Variants in STK39 observed in about 807,000 individuals in gnomAD.
STK39 encodes the protein serine/threonine kinase 39, also known as STE20/SPS1-related proline-alanine-rich protein kinase.
A neutral mutation model predicts 77.8 loss-of-function variants in STK39; 20 were observed. That is an observed-to-expected ratio of 0.26 (90% CI 0.18 to 0.37). The LOEUF is 0.37. Ranked by LOEUF, STK39 falls within the 10% of genes least tolerant of loss-of-function variation. The pLI is 1.00. For synonymous variants in STK39, 246 were observed against 234.1 expected, an observed-to-expected ratio of 1.05 and a Z score of -0.47; for missense variants, 479 against 656.5, an observed-to-expected ratio of 0.73 and a Z score of 2.95.
chr2:168,187,277 GA>G (rs1689232827), intron 1 of STK39, among the ~76,000 whole-genome samples: 1 of 152,108 alleles, frequency 6.6e-6, no homozygotes, highest in South Asian at 2.1e-4. Context: ...CTTGAACCCG[GA>G]AGGTAGAGGC....
At chr2:168,059,973 C>A (rs972328493) in intron 14 of STK39, among the ~76,000 whole-genome samples, 6 of 152,046 alleles carry the variant, frequency 3.9e-5, no homozygotes, top group Non-Finnish European at 8.8e-5. Flanking sequence ...TGGAACAATG[C>A]CATGTACATA....
rs542536754 is a variant in STK39 at position 168,035,970 on chromosome 2, C to A, written c.1377-18875G>T. ...GCAAGCAGTAAGAGAACCAAGACTT[C>A]CCAGCCTTCACATTTCCTAAAATTA... On this transcript the variant is annotated intron_variant, in intron 14 of 17. Coordinates refer to ENST00000355999, the MANE Select transcript of STK39 (RefSeq NM_013233.3). Among the ~76,000 whole-genome samples the A allele has an allele frequency of 6.8e-4, 103 of 152,226 alleles. 5 individuals are homozygous for A. The South Asian group carries it at 0.021, about 30-fold the overall frequency.
At chr2:167,974,406 C>G (rs1286582759) in intron 16 of STK39, among the ~76,000 whole-genome samples, 1 of 151,992 alleles carries the variant, frequency 6.6e-6, no homozygotes, top group Non-Finnish European at 1.5e-5. Context: ...CTACAGAGGG[C>G]CCCTGAAGCA....
At chr2:167,963,270 T>A (rs558544318) in intron 17 of STK39, among the ~76,000 whole-genome samples, 3 of 152,292 alleles carry the variant, frequency 2.0e-5, no homozygotes, top group Non-Finnish European at 4.4e-5. Flanking sequence ...ATTATTCTTA[T>A]GGTTTACCTA....
intron 15 of STK39, among the ~76,000 whole-genome samples, chr2:168,014,840 A>G (rs1250466254): frequency 1.3e-5 from 2 of 152,228 alleles, no homozygotes; most frequent in Admixed American, 6.5e-5. Context: ...CACAGAATGT[A>G]GCCAAAAATG....
chr2:168,155,326 C>T (rs1688398527), intron 5 of STK39, among the ~76,000 whole-genome samples: 1 of 152,194 alleles, frequency 6.6e-6, no homozygotes, highest in Admixed American at 6.5e-5. Context: ...ATGAAAAACT[C>T]AGTTTCCAGA....
intron 16 of STK39, among the ~76,000 whole-genome samples, chr2:168,004,669 C>G (rs1057474132): frequency 4.7e-5 from 7 of 148,572 alleles, no homozygotes; most frequent in African/African-American, 1.7e-4. Context: ...GGAGGTGGAG[C>G]TTGCAGTCAG....
At chr2:168,082,614 T>G (rs1303873248) in intron 10 of STK39, among the ~76,000 whole-genome samples, 1 of 152,178 alleles carries the variant, frequency 6.6e-6, no homozygotes, top group African/African-American at 2.4e-5. Flanking sequence ...CCTCCAACTG[T>G]TCTTTGCTCT....
At chr2:167,978,900 A>G (rs1683346542) in intron 16 of STK39, among the ~76,000 whole-genome samples, 1 of 152,162 alleles carries the variant, frequency 6.6e-6, no homozygotes, top group Non-Finnish European at 1.5e-5. Context: ...TTTCTCTCAC[A>G]TATCATAATT....
chr2:168,073,793 T>C (rs1686005011), intron 12 of STK39, among the ~76,000 whole-genome samples: 2 of 152,160 alleles, frequency 1.3e-5, no homozygotes, highest in South Asian at 4.1e-4. Flanking sequence ...TAATTTTGTA[T>C]TTTTAGTAGA....
chr2:168,108,424 T>C (rs1235584025), intron 10 of STK39, among the ~76,000 whole-genome samples: 2 of 152,118 alleles, frequency 1.3e-5, no homozygotes, highest in African/African-American at 4.8e-5. Context: ...GGCATGCACC[T>C]GTAGTCCTAG....
intron 16 of STK39, among the ~76,000 whole-genome samples, chr2:167,969,706 T>C (rs1335217056): frequency 6.6e-6 from 1 of 152,194 alleles, no homozygotes; most frequent in African/African-American, 2.4e-5. Context: ...CAAGTGAGGC[T>C]ACCACCAACT....
intron 10 of STK39, among the ~76,000 whole-genome samples, chr2:168,100,532 G>C (rs1686795591): frequency 1.3e-5 from 2 of 152,170 alleles, no homozygotes; most frequent in African/African-American, 2.4e-5. Context: ...CCAAAGTGTA[G>C]GGATTACAGG....
chr2:168,023,255 G>A (rs1313245947), intron 14 of STK39, among the ~76,000 whole-genome samples: 1 of 147,878 alleles, frequency 6.8e-6, no homozygotes, highest in Non-Finnish European at 1.5e-5. Flanking sequence ...GTTCAGTGCT[G>A]ACAAACTTTT....
chr2:168,240,330 G>A (rs540353464), intron 1 of STK39, among the ~76,000 whole-genome samples: 66 of 152,322 alleles, frequency 4.3e-4, no homozygotes, highest in African/African-American at 1.4e-3. Flanking sequence ...TGGGAGCAAC[G>A]TGATCAAGAA....
At chr2:168,240,676 G>A (rs556021382) in intron 1 of STK39, among the ~76,000 whole-genome samples, 8 of 152,344 alleles carry the variant, frequency 5.3e-5, no homozygotes, top group Non-Finnish European at 1.0e-4. Context: ...GAGAGACAAT[G>A]AGTTTAACTG....
chr2:168,162,403 A>T (rs1342336258), intron 4 of STK39, among the ~76,000 whole-genome samples: 2 of 152,020 alleles, frequency 1.3e-5, no homozygotes, highest in African/African-American at 4.8e-5. Context: ...TAATTATCCA[A>T]ATTTAATTAA....
intron 1 of STK39, among the ~76,000 whole-genome samples, chr2:168,220,890 A>C (rs892393684): frequency 6.6e-6 from 1 of 152,168 alleles, no homozygotes; most frequent in Non-Finnish European, 1.5e-5. Flanking sequence ...ATTTTTTTAA[A>C]AGTGAGTCAC....
intron 16 of STK39, among the ~76,000 whole-genome samples, chr2:167,985,172 A>G (rs888067632): frequency 2.0e-5 from 3 of 152,224 alleles, no homozygotes; most frequent in Admixed American, 6.5e-5. Flanking sequence ...TAGTTGCGCT[A>G]ATTGAACAGA....
Sources: allele counts gnomAD v4.1 joint callset (sites outside exome capture counted in the v4.1 genomes callset), GRCh38; gene constraint gnomAD v4.1.1; transcripts MANE v1.5; gene names NCBI Gene and HGNC (gene_info 2026-07-23, HGNC 2026-07-21).